Variants in GALNT18 observed in about 807,000 individuals in gnomAD.
The protein encoded by GALNT18 is GalNAc-transferase 18.
A neutral mutation model predicts 69.5 loss-of-function variants in GALNT18; 44 were observed. The ratio of observed to expected loss-of-function variants is 0.63; its 90% CI spans 0.50 to 0.81. The LOEUF (loss-of-function observed/expected upper bound fraction) is 0.81. Among genes scored for constraint, GALNT18 ranks in the 40% least tolerant of loss-of-function variants. GALNT18 has a pLI of 0.00. For synonymous variants in GALNT18, 364 were observed against 318.2 expected, an observed-to-expected ratio of 1.14 and a Z score of -1.53; for missense variants, 715 against 810.0, an observed-to-expected ratio of 0.88 and a Z score of 1.42.
chr11:11,525,783 C>T (rs578138865), intron 1 of GALNT18, among the ~76,000 whole-genome samples: 2 of 151,796 alleles, frequency 1.3e-5, no homozygotes, highest in East Asian at 1.9e-4. Context: ...TACAGGCGCC[C>T]GCCACCACGC....
chr11:11,389,428 G>A lies in GALNT18; in HGVS notation c.596-10164C>T, dbSNP rs543019136. On this transcript the variant is annotated intron_variant, in intron 3 of 10. Transcript: ENST00000227756. This position sits in a 1 kb window ranked among gnomAD's most constrained non-coding sequence, Gnocchi z 4.3. ...AATGACCTTGGCAAAGGGCCACCTC[G>A]CCTTTGTACTTCCTGGGGCTGTGTG... Among the ~76,000 whole-genome samples, 8 of 152,328 alleles carry A rather than the reference G, an allele frequency of 5.3e-5. No individual in the cohort carries two copies. Among genetic ancestry groups the A allele is most frequent in the East Asian group, 3.9e-4 (2 of 5,184 alleles).
At chr11:11,581,685 C>T (rs1050714865) in intron 1 of GALNT18, among the ~76,000 whole-genome samples, 1 of 152,132 alleles carries the variant, frequency 6.6e-6, no homozygotes, top group Non-Finnish European at 1.5e-5. Flanking sequence ...TCCTGCTACC[C>T]ACTCCTGGCT....
intron 9 of GALNT18, among the ~76,000 whole-genome samples, chr11:11,302,071 C>A (rs1240776435): frequency 6.6e-6 from 1 of 152,186 alleles, no homozygotes; most frequent in Non-Finnish European, 1.5e-5. Context: ...AAGCCACAGA[C>A]GCTTGACAGT....
chr11:11,504,692 A>G (rs1177190485), intron 1 of GALNT18, among the ~76,000 whole-genome samples: 2 of 152,078 alleles, frequency 1.3e-5, no homozygotes, highest in African/African-American at 4.8e-5. Flanking sequence ...TGGAAGGTGG[A>G]GGTTGCGGTG....
At chr11:11,280,487 C>T (rs954534212) in intron 10 of GALNT18, among the ~76,000 whole-genome samples, 21 of 152,204 alleles carry the variant, frequency 1.4e-4, no homozygotes, top group Admixed American at 2.0e-4. Context: ...CCTTCCACTG[C>T]GCTAAAATCC....
At position 11,543,658 on chromosome 11, in the gene GALNT18, G is replaced by A. The variant is rs774941133; in HGVS notation, c.235+77701C>T. Among the ~76,000 whole-genome samples, 4 of 152,164 alleles carry A rather than the reference G, an allele frequency of 2.6e-5. No homozygotes were observed. The highest frequency in any genetic ancestry group is 5.9e-5 in the Non-Finnish European group (4 of 68,016). On this transcript the variant is annotated intron_variant, in intron 1 of 10. Coordinates refer to ENST00000227756, the MANE Select transcript of GALNT18 (RefSeq NM_198516.3). This position sits in a 1 kb window ranked among gnomAD's most constrained non-coding sequence, Gnocchi z 5.1. ...CATCAGAGCCTCTGTTCCTCCCCTC[G>A]CCACCCACTGACCTGATGCGAATCC...
At chr11:11,370,854 G>A (rs767285709) in intron 6 of GALNT18, among the ~76,000 whole-genome samples, 25 of 152,264 alleles carry the variant, frequency 1.6e-4, no homozygotes, top group African/African-American at 3.6e-4. Flanking sequence ...GAATGGAGGC[G>A]GTCCAACCCA....
In GALNT18 at chr11:11,480,653, G is replaced by GAGAGC. The variant is rs1856505638; in HGVS notation, c.236-31722_236-31718dup. Among the ~76,000 whole-genome samples the GAGAGC allele has an allele frequency of 2.6e-5, 4 of 152,340 alleles. No individual in the cohort carries two copies. The South Asian group carries it at 8.3e-4, about 32-fold the overall frequency. Reference sequence around the variant, plus strand: ...TGGCACCTTCCTACTGGGGATCACTGAGAGCAGAGAAGTGACATTGAGAGG... The same window carrying GAGAGC: ...TGGCACCTTCCTACTGGGGATCACTGAGAGCAGAGCAGAGAAGTGACATTGAGAGG... On this transcript the variant is annotated intron_variant, in intron 1 of 10. Coordinates refer to ENST00000227756, the MANE Select transcript of GALNT18 (RefSeq NM_198516.3). The surrounding 1 kb of genome is among the most constrained non-coding windows in gnomAD (Gnocchi z 4.6).
At position 11,340,772 on chromosome 11, in the gene GALNT18, G is replaced by T. The variant is rs762821461; in HGVS notation, c.1278+47C>A. ...TTCGGTCCCATATCTTGTTTTGTTT[G>T]TTTTCCACCAATCCCCGAGAAACTC... is the stretch of plus-strand genomic sequence containing the variant. On this transcript the variant is annotated intron_variant, in intron 7 of 10. Coordinates refer to ENST00000227756, the MANE Select transcript of GALNT18 (RefSeq NM_198516.3). This position sits in a 1 kb window ranked among gnomAD's most constrained non-coding sequence, Gnocchi z 4.2. The T allele has an allele frequency of 1.3e-6, 2 of 1,538,880 alleles. No individual in the cohort carries two copies. The highest frequency in any genetic ancestry group is 1.9e-5 in the Admixed American group (1 of 52,478).
chr11:11,327,106 A>G lies in GALNT18; in HGVS notation c.1492T>C (p.Cys498Arg). Residue 498 changes from cysteine (C) to arginine (R), a missense_variant, in exon 9 of 11, where the codon TGC becomes CGC. Transcript: ENST00000227756. ...CTCACCTGAGGCGTCATCCCATGGC[A>G]GATGTACATGATGGGGACATTCTCT... ...DTENVPIMYI[C>R]HGMTPQNVYY... The G allele has an allele frequency of 1.2e-6, 2 of 1,613,464 alleles. No homozygotes were observed. The highest frequency in any genetic ancestry group is 1.7e-6 in the Non-Finnish European group (2 of 1,179,390).
intron 1 of GALNT18, among the ~76,000 whole-genome samples, chr11:11,477,180 C>T (rs1418543571): frequency 1.3e-5 from 2 of 152,206 alleles, no homozygotes; most frequent in Non-Finnish European, 2.9e-5. Context: ...ATGAAGGTGG[C>T]CAAACCCAGA....
At chr11:11,282,996 A>T (rs528161957) in intron 10 of GALNT18, among the ~76,000 whole-genome samples, 2 of 152,216 alleles carry the variant, frequency 1.3e-5, no homozygotes, top group South Asian at 4.2e-4. Context: ...GGAAATCCTC[A>T]ATCAAAATTG....
Position 11,531,067 on chromosome 11 carries a change from G to A in GALNT18, c.236-82131C>T, listed in dbSNP as rs540983323. On this transcript the variant is annotated intron_variant, in intron 1 of 10. Coordinates refer to ENST00000227756, the MANE Select transcript of GALNT18 (RefSeq NM_198516.3). ...CCCCTGCCTGCAATAGGCCTTTGCC[G>A]GCTGCCTTCACTGTACCTCTCCCTC... Among the ~76,000 whole-genome samples, 13 of 152,230 alleles carry A rather than the reference G, an allele frequency of 8.5e-5. No homozygotes were observed. The South Asian group carries it at 2.5e-3, about 29-fold the overall frequency.
At chr11:11,458,040 G>T (rs1855961832) in intron 1 of GALNT18, among the ~76,000 whole-genome samples, 1 of 152,186 alleles carries the variant, frequency 6.6e-6, no homozygotes, top group African/African-American at 2.4e-5. Context: ...TACACTTGGG[G>T]TGCAGACCCA....
chr11:11,296,673 A>C (rs946437218), intron 9 of GALNT18, among the ~76,000 whole-genome samples: 4 of 152,224 alleles, frequency 2.6e-5, no homozygotes, highest in Non-Finnish European at 4.4e-5. Flanking sequence ...AGATGCTGGG[A>C]GAGACGTGTG....
intron 3 of GALNT18, among the ~76,000 whole-genome samples, chr11:11,411,932 G>T (rs375717145): frequency 6.6e-5 from 10 of 152,158 alleles, no homozygotes; most frequent in African/African-American, 2.4e-4. Flanking sequence ...ACTGGTTCTG[G>T]GCCATATTGG....
At chr11:11,513,289 G>C (rs1192121489) in intron 1 of GALNT18, among the ~76,000 whole-genome samples, 1 of 152,188 alleles carries the variant, frequency 6.6e-6, no homozygotes, top group Non-Finnish European at 1.5e-5. Flanking sequence ...ACAGATACGA[G>C]GCTTGAAGAA....
rs7934408 is a variant in GALNT18, at chr11:11,596,352, T to C, written c.235+25007A>G. Among the ~76,000 whole-genome samples, 1,134 of 152,270 alleles carry C rather than the reference T, an allele frequency of 7.4e-3. 8 individuals carry two copies. The highest frequency in any genetic ancestry group is 0.011 in the Non-Finnish European group (754 of 68,006). On this transcript the variant is annotated intron_variant, in intron 1 of 10. Coordinates refer to ENST00000227756, the MANE Select transcript of GALNT18 (RefSeq NM_198516.3). The surrounding 1 kb of genome is among the most constrained non-coding windows in gnomAD (Gnocchi z 4.2). ...CCATTTTGTTTTTGTTTTTCAAGAT[T>C]ATTTGGCTAGCCTGTATACCTTAAA...
chr11:11,376,053 G>A (rs969501198), intron 5 of GALNT18, among the ~76,000 whole-genome samples: 3 of 152,082 alleles, frequency 2.0e-5, no homozygotes, highest in South Asian at 2.1e-4. Context: ...GCAGGACTTC[G>A]CAGGGAACAT....
Sources: allele counts gnomAD v4.1 joint callset (sites outside exome capture counted in the v4.1 genomes callset), GRCh38; gene constraint gnomAD v4.1.1; non-coding constraint Gnocchi (gnomAD v3.1); transcripts MANE v1.5; gene names NCBI Gene and HGNC (gene_info 2026-07-23, HGNC 2026-07-21).